Variants in TAB2 observed in about 807,000 individuals in gnomAD.
The protein encoded by TAB2 is TGF-beta-activated kinase 1 and MAP3K7-binding protein 2.
In TAB2, 3 loss-of-function variants were observed where a neutral mutation model predicts 65.0. That is an observed-to-expected ratio of 0.05 (90% CI 0.02 to 0.12). The LOEUF (loss-of-function observed/expected upper bound fraction) is 0.12, where lower values mean the gene tolerates loss of function less well. TAB2 is among the 10% of genes least tolerant of loss of function. The probability of loss-of-function intolerance (pLI) is 1.00; values close to 1 mark genes in which losing one functional copy is unlikely to be tolerated. For missense variants in TAB2, 623 were observed against 840.3 expected (o/e 0.74, Z 3.20); for synonymous variants, 298 against 285.1 (o/e 1.05, Z -0.46).
chr6:149,297,432 C>G (rs1778895153), intron 1 of TAB2, among the ~76,000 whole-genome samples: 3 of 152,154 alleles, frequency 2.0e-5, no homozygotes, highest in African/African-American at 7.2e-5. Context: ...AGAAGAGGAA[C>G]TCAAACTTTT....
chr6:149,367,191 C>T (rs1781067679), intron 1 of TAB2, among the ~76,000 whole-genome samples: 1 of 151,950 alleles, frequency 6.6e-6, no homozygotes, highest in Non-Finnish European at 1.5e-5. Context: ...GGTATTGATA[C>T]ATGTTATGAA....
At chr6:149,365,240 G>A (rs372066435) in intron 1 of TAB2, among the ~76,000 whole-genome samples, 5 of 152,274 alleles carry the variant, frequency 3.3e-5, no homozygotes, top group Admixed American at 2.0e-4. Flanking sequence ...ATTTTACAGA[G>A]TAAATTTATA....
intron 1 of TAB2, among the ~76,000 whole-genome samples, chr6:149,362,505 A>G (rs1780884338): frequency 1.3e-5 from 2 of 152,208 alleles, no homozygotes; most frequent in Admixed American, 6.5e-5. Context: ...ATCCGTCTCC[A>G]TGATTCATTC....
Position 149,236,279 on chromosome 6 carries a change from C to A in TAB2, c.-121+17503C>A, listed in dbSNP as rs931464364. The stretch of plus-strand genomic sequence containing the variant: ...AGGAATATAATGACCAATGAGGTCA[C>A]CCTCATTTGAGGTATTCAAGCGTAA... On this transcript the variant is annotated intron_variant, in intron 1 of 1. Coordinates refer to the TAB2 transcript ENST00000606202. Among the ~76,000 whole-genome samples, 7 of 152,288 alleles carry A rather than the reference C, an allele frequency of 4.6e-5. No individual in the cohort carries two copies. In the East Asian group the frequency reaches 1.2e-3, roughly 25 times the overall value.
At chr6:149,297,313 T>C (rs1778893060) in intron 1 of TAB2, among the ~76,000 whole-genome samples, 2 of 152,206 alleles carry the variant, frequency 1.3e-5, no homozygotes, top group African/African-American at 4.8e-5. Context: ...CAGGATCCAA[T>C]CAAGGATCAC....
rs369385400 is a variant in TAB2 at position 149,337,002 on chromosome 6, C to T, written c.-90+18987C>T. On this transcript the variant is annotated intron_variant, in intron 1 of 6. Coordinates refer to ENST00000637181, the MANE Select transcript of TAB2 (RefSeq NM_001292034.3). ...CATTTACTTTTAATAAGATTTTAAG[C>T]GGCAGACTACAGTAATATTAGCAGT... Among the ~76,000 whole-genome samples, 32 of 151,808 alleles carry T rather than the reference C, an allele frequency of 2.1e-4. 1 individual carries two copies. In the South Asian group the frequency reaches 4.8e-3, roughly 23 times the overall value.
intron 1 of TAB2, among the ~76,000 whole-genome samples, chr6:149,325,909 TTTTA>T (rs1188852856): frequency 3.9e-5 from 6 of 152,120 alleles, no homozygotes; most frequent in Non-Finnish European, 5.9e-5. Context: ...TCAGCTTACT[TTTTA>T]TTTTTTGTAG....
intron 1 of TAB2, among the ~76,000 whole-genome samples, chr6:149,330,263 T>G (rs1338844804): frequency 6.6e-6 from 1 of 152,176 alleles, no homozygotes; most frequent in African/African-American, 2.4e-5. Context: ...TGTGAACAGG[T>G]TTTACAGGAT....
chr6:149,292,995 T>C (rs376383080), intron 1 of TAB2, among the ~76,000 whole-genome samples: 2 of 152,338 alleles, frequency 1.3e-5, no homozygotes, highest in East Asian at 3.9e-4. Context: ...TTCACTAGTT[T>C]TCCTGATTGA....
At chr6:149,380,829 G>C (rs978531995) in intron 3 of TAB2, among the ~76,000 whole-genome samples, 10 of 152,158 alleles carry the variant, frequency 6.6e-5, no homozygotes, top group Admixed American at 5.2e-4. Flanking sequence ...TGATTTTACT[G>C]CTGAGTCTCT....
chr6:149,318,995 G>A (rs1410903133), intron 1 of TAB2, among the ~76,000 whole-genome samples: 1 of 152,184 alleles, frequency 6.6e-6, no homozygotes, highest in East Asian at 1.9e-4. Context: ...GCAGGCTGTT[G>A]AGTACCCTTA....
chr6:149,374,038 G>T (rs370576693), intron 2 of TAB2, among the ~76,000 whole-genome samples: 3 of 152,266 alleles, frequency 2.0e-5, no homozygotes, highest in East Asian at 1.9e-4. Context: ...AGACACATGA[G>T]TTTATAATGA....
rs530386732 is a variant in TAB2, at chr6:149,334,096, A to T, written c.-90+16081A>T. 2.6e-5 allele frequency among the ~76,000 whole-genome samples: 4 copies of T among 152,356 alleles called. No homozygotes were observed. The East Asian group carries it at 7.7e-4, about 29-fold the overall frequency. Reference sequence around the variant, plus strand: ...TTTATTGCTATAAAATTATAAAAATAATAAACTTTAAACTTTATAATCATT... The same window carrying T: ...TTTATTGCTATAAAATTATAAAAATTATAAACTTTAAACTTTATAATCATT... On this transcript the variant is annotated intron_variant, in intron 1 of 6. Transcript: ENST00000637181.
chr6:149,306,159 A>G (rs947352563), intron 1 of TAB2, among the ~76,000 whole-genome samples: 2 of 152,170 alleles, frequency 1.3e-5, no homozygotes, highest in Non-Finnish European at 2.9e-5. Context: ...TAATCCCAGC[A>G]CTTTGGGAGG....
upstream of TAB2, among the ~76,000 whole-genome samples, chr6:149,315,429 G>A (rs1181148231): frequency 6.6e-6 from 1 of 151,970 alleles, no homozygotes; most frequent in African/African-American, 2.4e-5. Context: ...GAACCGTTTG[G>A]GAGAAAATCA....
chr6:149,275,336 G>A (rs1165053941), intron 1 of TAB2, among the ~76,000 whole-genome samples: 1 of 151,064 alleles, frequency 6.6e-6, no homozygotes, highest in Non-Finnish European at 1.5e-5. Context: ...GAGGGATGGG[G>A]TATTTCAAAG....
At chr6:149,229,328 C>T (rs1269292503) in intron 1 of TAB2, among the ~76,000 whole-genome samples, 1 of 152,070 alleles carries the variant, frequency 6.6e-6, no homozygotes, top group African/African-American at 2.4e-5. Context: ...TGAACTGGCA[C>T]CGTGCTTCTA....
intron 1 of TAB2, among the ~76,000 whole-genome samples, chr6:149,310,131 G>C (rs1779144162): frequency 6.6e-6 from 1 of 152,014 alleles, no homozygotes; most frequent in African/African-American, 2.4e-5. Flanking sequence ...CCAGGAGTTT[G>C]AGGAACAGTC....
chr6:149,338,751 C>T (rs149530509), intron 1 of TAB2, among the ~76,000 whole-genome samples: 2 of 152,198 alleles, frequency 1.3e-5, no homozygotes, highest in African/African-American at 2.4e-5. Flanking sequence ...CAGAAATTAT[C>T]GATTGGAAAG....
Sources: gnomAD v4.1 joint callset for allele counts (sites outside exome capture counted in the v4.1 genomes callset) on GRCh38, gnomAD v4.1.1 for gene constraint, MANE v1.5 for transcripts, NCBI Gene and HGNC (gene_info 2026-07-23, HGNC 2026-07-21) for gene names.